Variants in ROBO4 observed in about 807,000 individuals in gnomAD.
ROBO4 encodes roundabout guidance receptor 4.
Under a neutral mutation model 103.3 loss-of-function variants are expected in ROBO4, and 80 were observed. The ratio of observed to expected loss-of-function variants is 0.77; its 90% confidence interval spans 0.65 to 0.93. The LOEUF (loss-of-function observed/expected upper bound fraction) is 0.93. Among genes scored for constraint, ROBO4 ranks in the 40% least tolerant of loss-of-function variants. The pLI is 0.00. For synonymous variants in ROBO4, 504 were observed against 529.7 expected, an observed-to-expected ratio of 0.95 and a Z score of 0.67; for missense variants, 1,333 against 1,305.3, an observed-to-expected ratio of 1.02 and a Z score of -0.33.
At chr11:124,896,122 C>T (rs1946885524) in intron 4 of ROBO4, 76 bp downstream of exon 4, 1 of 1,581,226 alleles carries the variant, frequency 6.3e-7, no homozygotes, top group Non-Finnish European at 8.6e-7. Flanking sequence ...TACCTTAACC[C>T]CAGCCCAAAC....
At chr11:124,886,237 G>A in intron 16 of ROBO4, 1 of 462,710 alleles carries the variant, frequency 2.2e-6, no homozygotes. Context: ...GTGAACTTGG[G>A]CAAGCCAATA....
rs1946804138 is a variant in ROBO4, at chr11:124,891,810, A to T, written c.1548-8T>A. ...GAGTCACTGTGATCCATCCTGGGGC[A>T]GTGGAGGGAGGGGGTGAGGCCAGGA... On this transcript the variant is annotated splice_polypyrimidine_tract_variant and splice_region_variant and intron_variant, in intron 10 of 17. Coordinates refer to ENST00000306534, the MANE Select transcript of ROBO4 (RefSeq NM_019055.6). 6.2e-7 allele frequency: 1 copy of T among 1,613,694 alleles called. No homozygotes were observed. The highest frequency in any genetic ancestry group is 8.5e-7 in the Non-Finnish European group (1 of 1,179,814).
At chr11:124,890,485 G>C (rs891423401) in intron 12 of ROBO4, among the ~76,000 whole-genome samples, 11 of 152,164 alleles carry the variant, frequency 7.2e-5, no homozygotes, top group African/African-American at 2.2e-4. Context: ...GCTCCAGAGA[G>C]ACTCAGAATC....
Position 124,897,824 on chromosome 11 carries a change from C to G in ROBO4, c.-29G>C. 1 of 1,580,044 alleles carries G rather than the reference C, an allele frequency of 6.3e-7. No homozygotes were observed. Among genetic ancestry groups the G allele is most frequent in the Non-Finnish European group, 8.7e-7 (1 of 1,153,772 alleles). On this transcript the variant is annotated 5_prime_UTR_variant, in exon 1 of 18. Transcript: ENST00000306534. Reference sequence around the variant, plus strand: ...TACTCTCAGCCCTATGTCCTTGTCCCGAGCACTTTGTCCTGCTGCTCTGAG... The same window carrying G: ...TACTCTCAGCCCTATGTCCTTGTCCGGAGCACTTTGTCCTGCTGCTCTGAG...
In ROBO4 at chr11:124,884,613, C is replaced by T. The variant is rs1565320235; in HGVS notation, c.*278G>A. ...GGCAGGGCTGCTCCTCAGGCCAAAA[C>T]AACCTGGTGGTGGGAGTGGATGGCA... On this transcript the variant is annotated 3_prime_UTR_variant, in exon 18 of 18. Coordinates refer to ENST00000306534, the MANE Select transcript of ROBO4 (RefSeq NM_019055.6). 1 of 542,996 alleles carries T rather than the reference C, an allele frequency of 1.8e-6. No homozygotes were observed. The highest frequency in any genetic ancestry group is 3.3e-6 in the Non-Finnish European group (1 of 305,142). 33.6% of individuals were successfully genotyped at this position (542,996 alleles called of 1,614,324 possible). A position where few individuals can be genotyped will look rare whatever the true frequency, so the allele number is the denominator to read the frequency against.
Position 124,897,193 on chromosome 11 carries a change from C to T in ROBO4, c.139G>A (p.Gly47Ser), listed in dbSNP as rs769525351. The change falls in exon 2 of 18, where the codon GGC becomes AGC. Residue 47 changes from glycine (G) to serine (S), a missense_variant. Transcript: ENST00000306534. Reference protein sequence around the residue: ...HPQDQLFQGPGPARMSCQASG... With the variant: ...HPQDQLFQGPSPARMSCQASG... ...GCTTGGCAGCTCATCCTGGCAGGGC[C>T]AGGGCCCTGGAACAGCTGGTCCTGG... 3 of 1,518,028 alleles carry T rather than the reference C, an allele frequency of 2.0e-6. No homozygotes were observed. The highest frequency in any genetic ancestry group is 2.6e-6 in the Non-Finnish European group (3 of 1,133,220). 94.0% of individuals were successfully genotyped at this position (1,518,028 alleles called of 1,614,324 possible). A position where few individuals can be genotyped will look rare whatever the true frequency, so the allele number is the denominator to read the frequency against.
chr11:124,894,983 G>A, intron 7 of ROBO4, 98 bp downstream of exon 7: 1 of 931,142 alleles, frequency 1.1e-6, no homozygotes, highest in South Asian at 1.5e-5. Context: ...CTCTGCCCAG[G>A]TACCTTTCTC....
In ROBO4 at chr11:124,893,228, G is replaced by C. The variant is rs116331265; in HGVS notation, c.1547+460C>G. Among the ~76,000 whole-genome samples the C allele has an allele frequency of 3.2e-3, 480 of 152,340 alleles. 4 individuals are homozygous for C. The highest frequency in any genetic ancestry group is 0.011 in the African/African-American group (453 of 41,572). ...GCCCATGGGCAGATCCTGTTTTTGA[G>C]AACAGTGAGGAAGAATCTATGATGT... On this transcript the variant is annotated intron_variant, in intron 10 of 17. Coordinates refer to ENST00000306534, the MANE Select transcript of ROBO4 (RefSeq NM_019055.6).
rs1204172227 is a variant in ROBO4, at chr11:124,896,938, C to T, written c.394G>A (p.Val132Met). The stretch of plus-strand genomic sequence containing the variant: ...CTCCCCTCCCAGGCCTCACCAGCCA[C>T]AGACAGCCGAGCGCCTCTGCTGACT... ...TAVSRGARLS[V>M]AVLREDFQIQ... Residue 132 changes from valine (V) to methionine (M), a missense_variant, in exon 2 of 18, where the codon GTG becomes ATG. Coordinates refer to ENST00000306534, the MANE Select transcript of ROBO4 (RefSeq NM_019055.6). The T allele has an allele frequency of 6.2e-7, 1 of 1,612,228 alleles. No homozygotes were observed. The highest frequency in any genetic ancestry group is 2.2e-5 in the East Asian group (1 of 44,856).
chr11:124,891,024 G>A (rs533384894), intron 12 of ROBO4, among the ~76,000 whole-genome samples: 2 of 152,322 alleles, frequency 1.3e-5, no homozygotes, highest in African/African-American at 2.4e-5. Flanking sequence ...CTTATTAAAC[G>A]TTTGCTGAGT....
In ROBO4 at chr11:124,893,987, C is replaced by A; in HGVS notation, c.1377G>T (p.Glu459Asp). The change falls in exon 9 of 18, where the codon GAG becomes GAT. Residue 459 changes from glutamate to aspartate, a missense_variant. By Grantham distance (45) the Glu-to-Asp change is conservative. Transcript: ENST00000306534. ...EPSEHGPWTLEQLRATLKRPE... is the reference protein window; with the variant it reads ...EPSEHGPWTLDQLRATLKRPE... The stretch of plus-strand genomic sequence containing the variant: ...GCCGCTTCAAGGTAGCCCTCAGCTG[C>A]TCCAGGGTCCAGGGACCATGCTCAC... The A allele has an allele frequency of 1.9e-6, 3 of 1,587,576 alleles. No individual in the cohort carries two copies. Among genetic ancestry groups the A allele is most frequent in the Non-Finnish European group, 2.6e-6 (3 of 1,168,294 alleles).
intron 15 of ROBO4, 52 bp downstream of exon 15, chr11:124,886,925 C>T: frequency 5.1e-6 from 8 of 1,561,730 alleles, no homozygotes; most frequent in Non-Finnish European, 7.0e-6. Flanking sequence ...TGGAGAGGCG[C>T]TTGCCCCCAC....
intron 12 of ROBO4, among the ~76,000 whole-genome samples, chr11:124,889,446 T>C (rs4245058): frequency 0.93 from 141,379 of 152,302 alleles, 65,907 homozygotes; most frequent in East Asian, 1. Flanking sequence ...CCTCCTCCTA[T>C]GTTGCTTGGA....
chr11:124,895,382 G>A, intron 6 of ROBO4, 75 bp downstream of exon 6: 2 of 1,417,198 alleles, frequency 1.4e-6, no homozygotes, highest in Non-Finnish European at 2.0e-6. Context: ...GACTGAAGCA[G>A]AACAGTCCAG....
chr11:124,895,614 C>T lies in ROBO4; in HGVS notation c.879G>A (p.Gln293=), dbSNP rs1946873643. ...LFRTQTAPGG[Q]GAPWAEELLA... is the part of the protein sequence containing the mutation. ...GCAGCTCCTCTGCCCACGGAGCTCCCTGGCCTCCCGGGGCAGTCTGGGTCC... is the reference window on the plus strand; with the variant it reads ...GCAGCTCCTCTGCCCACGGAGCTCCTTGGCCTCCCGGGGCAGTCTGGGTCC... The change falls in exon 6 of 18, where the codon CAG becomes CAA. Residue 293 remains glutamine (Q), a synonymous_variant. Transcript: ENST00000306534. The T allele has an allele frequency of 1.2e-6, 2 of 1,613,778 alleles. No individual in the cohort carries two copies. Among genetic ancestry groups the T allele is most frequent in the African/African-American group, 2.7e-5 (2 of 75,044 alleles).
rs142596370 is a variant in ROBO4 at position 124,886,505 on chromosome 11, C to T, written c.2753G>A (p.Gly918Asp). The T allele has an allele frequency of 1.4e-5, 22 of 1,614,054 alleles. No homozygotes were observed. The highest frequency in any genetic ancestry group is 1.9e-5 in the Non-Finnish European group (22 of 1,180,032). Residue 918 changes from glycine to aspartate, a missense_variant, in exon 16 of 18, where the codon GGT (glycine) becomes GAT (aspartate). Gly to Asp is a moderately conservative substitution (Grantham distance 94). Transcript: ENST00000306534. ...TGCCTCCCTGGGCTCTAGACCGAAACCAAAGCTATCCACAGCCACTGCCAG... is the reference window on the plus strand; with the variant it reads ...TGCCTCCCTGGGCTCTAGACCGAAATCAAAGCTATCCACAGCCACTGCCAG... Reference protein sequence around the residue: ...RALAVAVDSFGFGLEPREADC... With the variant: ...RALAVAVDSFDFGLEPREADC...
chr11:124,897,142 G>A lies in ROBO4; in HGVS notation c.190C>T (p.Arg64Cys), dbSNP rs201393279. 1.5e-4 allele frequency: 229 copies of A among 1,565,874 alleles called. No individual in the cohort carries two copies. The highest frequency in any genetic ancestry group is 6.8e-4 in the Admixed American group (38 of 56,288). Reference protein sequence around the residue: ...QASGQPPPTIRWLLNGQPLSM... With the variant: ...QASGQPPPTICWLLNGQPLSM... ...AGGGGCTGCCCATTCAGCAACCAGC[G>A]GATGGTGGGAGGTGGCTGGCCTGAG... Residue 64 changes from arginine (R) to cysteine (C), a missense_variant, in exon 2 of 18, where the codon CGC becomes TGC. Arg to Cys is a radical substitution (Grantham distance 180). Coordinates refer to ENST00000306534, the MANE Select transcript of ROBO4 (RefSeq NM_019055.6).
At chr11:124,890,085 C>A (rs1946777298) in intron 12 of ROBO4, among the ~76,000 whole-genome samples, 2 of 152,240 alleles carry the variant, frequency 1.3e-5, no homozygotes, top group Non-Finnish European at 2.9e-5. Context: ...GAGGGGCTAT[C>A]CATTCCATTA....
At chr11:124,885,464 C>T (rs1946697134) in intron 16 of ROBO4, among the ~76,000 whole-genome samples, 1 of 152,194 alleles carries the variant, frequency 6.6e-6, no homozygotes, top group South Asian at 2.1e-4. Flanking sequence ...TCCAGCCCAG[C>T]TCTGGCCTTC....
Sources: gnomAD v4.1 joint callset for allele counts (sites outside exome capture counted in the v4.1 genomes callset) on GRCh38, gnomAD v4.1.1 for gene constraint, MANE v1.5 for transcripts, NCBI Gene and HGNC (gene_info 2026-07-23, HGNC 2026-07-21) for gene names.